PLD1: variants seen among roughly 807,000 people sequenced by gnomAD.
PLD1 encodes the protein phospholipase D1.
Under a neutral mutation model 137.1 loss-of-function variants are expected in PLD1, and 112 were observed. The observed-to-expected ratio is 0.82, with a 90% CI of 0.70 to 0.96. The LOEUF (loss-of-function observed/expected upper bound fraction) is 0.96. Ranked by LOEUF, PLD1 falls within the 40% of genes least tolerant of loss-of-function variation. PLD1 has a pLI of 0.00. For missense variants in PLD1, 1,321 were observed against 1,342.0 expected, an observed-to-expected ratio of 0.98 and a Z score of 0.24; for synonymous variants, 431 against 454.7, an observed-to-expected ratio of 0.95 and a Z score of 0.66.
chr3:171,616,602 T>C (rs979129956), intron 24 of PLD1, among the ~76,000 whole-genome samples: 1 of 152,150 alleles, frequency 6.6e-6, no homozygotes, highest in African/African-American at 2.4e-5. Flanking sequence ...TACAGAAGAA[T>C]GGGTTGAGAC....
At chr3:171,772,106 C>A (rs528267111) in intron 1 of PLD1, among the ~76,000 whole-genome samples, 1 of 152,304 alleles carries the variant, frequency 6.6e-6, no homozygotes, top group Admixed American at 6.5e-5. Context: ...GCAGTTAGAT[C>A]TTAAAACAGA....
intron 24 of PLD1, among the ~76,000 whole-genome samples, chr3:171,614,810 C>A (rs577351423): frequency 3.3e-5 from 5 of 152,342 alleles, no homozygotes; most frequent in Admixed American, 6.5e-5. Context: ...TGTGAGCCAG[C>A]CTGGAAAGCC....
intron 23 of PLD1, among the ~76,000 whole-genome samples, chr3:171,629,739 C>G (rs1162670560): frequency 1.3e-5 from 2 of 152,020 alleles, no homozygotes; most frequent in East Asian, 3.9e-4. Context: ...CTTTGACAAA[C>G]CTGAGAAAAA....
chr3:171,732,845 C>A (rs532841829), intron 6 of PLD1, among the ~76,000 whole-genome samples: 1 of 152,294 alleles, frequency 6.6e-6, no homozygotes, highest in South Asian at 2.1e-4. Flanking sequence ...AAAACCCACT[C>A]CCTCCCTGCT....
At chr3:171,741,691 T>C (rs1006206644) in intron 1 of PLD1, among the ~76,000 whole-genome samples, 12 of 152,232 alleles carry the variant, frequency 7.9e-5, no homozygotes, top group Non-Finnish European at 1.5e-4. Flanking sequence ...TAAGGGTTTT[T>C]TTATTCTCGT....
chr3:171,708,700 T>C (rs1716893225), intron 11 of PLD1, 55 bp downstream of exon 11: 3 of 914,958 alleles, frequency 3.3e-6, no homozygotes, highest in Non-Finnish European at 5.5e-6. Context: ...TATACCACTG[T>C]ACATTTCTAA....
rs1488189908 is a variant in PLD1, at chr3:171,718,707, C to G, written c.759-4662G>C. Among the ~76,000 whole-genome samples the G allele has an allele frequency of 2.6e-5, 4 of 152,270 alleles. 1 individual carries two copies. The South Asian group carries it at 8.3e-4, about 32-fold the overall frequency. ...CAGCCTCCCTGGGCTCCAATTCCACCTGCCACTCACTGCTTGTAAGAACTT... is the reference window on the plus strand; with the variant it reads ...CAGCCTCCCTGGGCTCCAATTCCACGTGCCACTCACTGCTTGTAAGAACTT... On this transcript the variant is annotated intron_variant, in intron 8 of 26. Transcript: ENST00000351298.
chr3:171,699,822 T>C lies in PLD1; in HGVS notation c.1150A>G (p.Ser384Gly). 1 of 1,612,782 alleles carries C rather than the reference T, an allele frequency of 6.2e-7. No individual in the cohort carries two copies. Among genetic ancestry groups the C allele is most frequent in the South Asian group, 1.1e-5 (1 of 91,030 alleles). Residue 384 changes from serine to glycine, a missense_variant, in exon 12 of 27, where the codon AGT (serine) becomes GGT (glycine). By Grantham distance (56) the Ser-to-Gly change is moderately conservative. Coordinates refer to ENST00000351298, the MANE Select transcript of PLD1 (RefSeq NM_002662.5). ...GGGCGTTTCAGGAAGATTTCTGGAC[T>C]CAGCCTGAAACAATGAAACCAAGAT... Reference protein sequence around the residue: ...EEIFITDWWLSPEIFLKRPVV... With the variant: ...EEIFITDWWLGPEIFLKRPVV...
At chr3:171,614,698 G>T (rs1352439656) in intron 24 of PLD1, among the ~76,000 whole-genome samples, 1 of 152,200 alleles carries the variant, frequency 6.6e-6, no homozygotes, top group Non-Finnish European at 1.5e-5. Context: ...GCTACTTTAG[G>T]ACTTTTACTG....
chr3:171,704,003 C>T (rs1392209849), intron 11 of PLD1, among the ~76,000 whole-genome samples: 1 of 152,150 alleles, frequency 6.6e-6, no homozygotes, highest in African/African-American at 2.4e-5. Flanking sequence ...AAATAAAAAC[C>T]CATCTTTCTG....
intron 25 of PLD1, 27 bp from the exon 26 acceptor site, chr3:171,605,443 A>C (rs1460853720): frequency 7.8e-7 from 1 of 1,280,538 alleles, no homozygotes; most frequent in East Asian, 2.3e-5. Context: ...CTCCACATTG[A>C]GTAACTGAGA....
chr3:171,657,171 A>G (rs1432346946), intron 21 of PLD1, among the ~76,000 whole-genome samples: 5 of 152,238 alleles, frequency 3.3e-5, no homozygotes, highest in African/African-American at 1.2e-4. Flanking sequence ...CAACAACAGC[A>G]ATAATAACAA....
At chr3:171,723,289 G>C (rs1005975187) in intron 8 of PLD1, among the ~76,000 whole-genome samples, 2 of 152,110 alleles carry the variant, frequency 1.3e-5, no homozygotes, top group African/African-American at 4.8e-5. Flanking sequence ...ATCCATCCAT[G>C]TTGCAATGAC....
intron 1 of PLD1, among the ~76,000 whole-genome samples, chr3:171,752,740 C>T (rs777242264): frequency 5.9e-5 from 9 of 152,216 alleles, no homozygotes; most frequent in Admixed American, 3.3e-4. Context: ...CAGTATTTTA[C>T]TATATGTGTG....
chr3:171,712,029 A>G (rs1310719400), intron 9 of PLD1, among the ~76,000 whole-genome samples: 2 of 152,168 alleles, frequency 1.3e-5, no homozygotes, highest in Non-Finnish European at 2.9e-5. Context: ...ATGCGTGAGG[A>G]GGGAGGTTGC....
chr3:171,650,671 G>A (rs141640136), intron 21 of PLD1, among the ~76,000 whole-genome samples: 217 of 152,290 alleles, frequency 1.4e-3, no homozygotes, highest in African/African-American at 5.1e-3. Flanking sequence ...GTGGAAATGC[G>A]CTTGAGCTAG....
At chr3:171,667,951 T>C (rs1712320606) in intron 19 of PLD1, among the ~76,000 whole-genome samples, 1 of 152,158 alleles carries the variant, frequency 6.6e-6, no homozygotes, top group Non-Finnish European at 1.5e-5. Context: ...AGGGTTTCAA[T>C]ACATTGGCCA....
At chr3:171,667,902 C>T (rs1712312016) in intron 19 of PLD1, among the ~76,000 whole-genome samples, 2 of 152,336 alleles carry the variant, frequency 1.3e-5, no homozygotes, top group Middle Eastern at 6.8e-3. Flanking sequence ...CAGGCCCATG[C>T]CACCATGCTG....
intron 24 of PLD1, among the ~76,000 whole-genome samples, chr3:171,616,615 T>G (rs973381168): frequency 1.3e-5 from 2 of 152,222 alleles, no homozygotes; most frequent in Admixed American, 6.5e-5. Context: ...GTTGAGACTT[T>G]TGGGGATTTT....
Sources: gnomAD v4.1 joint callset for allele counts (sites outside exome capture counted in the v4.1 genomes callset) on GRCh38, gnomAD v4.1.1 for gene constraint, MANE v1.5 for transcripts, NCBI Gene and HGNC (gene_info 2026-07-23, HGNC 2026-07-21) for gene names.